Variants in RAD51B observed in about 807,000 individuals in gnomAD.
The protein encoded by RAD51B is RAD51 paralog B.
A neutral mutation model predicts 42.2 loss-of-function variants in RAD51B; 38 were observed. The observed-to-expected ratio is 0.90, with a 90% CI of 0.70 to 1.18. The LOEUF is 1.18. RAD51B is among the 50% of genes most tolerant of loss of function. The pLI, the probability that RAD51B is intolerant of heterozygous loss-of-function variation, is 0.00. For synonymous variants in RAD51B, 154 were observed against 145.2 expected (o/e 1.06, Z -0.43); for missense variants, 373 against 400.7 (o/e 0.93, Z 0.59).
At chr14:68,406,816 A>G (rs1054098925) in intron 8 of RAD51B, among the ~76,000 whole-genome samples, 1 of 152,200 alleles carries the variant, frequency 6.6e-6, no homozygotes, top group Non-Finnish European at 1.5e-5. Flanking sequence ...TCCTTATTCT[A>G]TAATCTTATT....
At chr14:67,846,574 T>G (rs1263906446) in intron 4 of RAD51B, among the ~76,000 whole-genome samples, 5 of 152,122 alleles carry the variant, frequency 3.3e-5, no homozygotes, top group Non-Finnish European at 7.4e-5. Context: ...CAGTGGAGGC[T>G]GCTCTACTGG....
intron 4 of RAD51B, among the ~76,000 whole-genome samples, chr14:67,849,401 C>T (rs1188670815): frequency 6.6e-6 from 1 of 152,188 alleles, no homozygotes; most frequent in Non-Finnish European, 1.5e-5. Flanking sequence ...CCTGCCTCAG[C>T]CTCCCAAGTA....
intron 7 of RAD51B, among the ~76,000 whole-genome samples, chr14:68,100,591 G>A (rs2077272484): frequency 6.6e-6 from 1 of 152,098 alleles, no homozygotes; most frequent in Admixed American, 6.5e-5. Flanking sequence ...TATTTACTGG[G>A]TATGGACCCT....
chr14:68,641,099 G>T (rs1892450843), intron 10 of RAD51B, among the ~76,000 whole-genome samples: 1 of 152,084 alleles, frequency 6.6e-6, no homozygotes. Flanking sequence ...TTGCTATTTG[G>T]GTAATTATTT....
intron 9 of RAD51B, among the ~76,000 whole-genome samples, chr14:68,415,547 A>G (rs1457091238): frequency 6.6e-6 from 1 of 152,228 alleles, no homozygotes; most frequent in African/African-American, 2.4e-5. Flanking sequence ...TAAGCATGTA[A>G]ACCGGACTTG....
chr14:68,251,200 T>TAA (rs576162341), intron 7 of RAD51B, among the ~76,000 whole-genome samples: 3,819 of 146,190 alleles, frequency 0.026, 55 homozygotes, highest in Non-Finnish European at 0.033. Flanking sequence ...AAGGAGGAAT[T>TAA]AAAAAAAAAA....
intron 8 of RAD51B, among the ~76,000 whole-genome samples, chr14:68,376,562 T>C (rs1168376745): frequency 6.6e-6 from 1 of 152,152 alleles, no homozygotes; most frequent in Admixed American, 6.6e-5. Flanking sequence ...GTATAAGATT[T>C]CTTGTAAAAG....
intron 4 of RAD51B, among the ~76,000 whole-genome samples, chr14:67,861,062 G>A (rs1009249242): frequency 6.6e-6 from 1 of 152,032 alleles, no homozygotes; most frequent in Non-Finnish European, 1.5e-5. Flanking sequence ...GTATGGTGAT[G>A]TGTGCCTGTA....
intron 10 of RAD51B, among the ~76,000 whole-genome samples, chr14:68,529,984 G>A (rs559736925): frequency 9.8e-5 from 15 of 152,296 alleles, no homozygotes; most frequent in African/African-American, 3.1e-4. Context: ...TTCTAGACAT[G>A]AAATAGATGA....
At chr14:68,316,566 G>A (rs899547432) in intron 8 of RAD51B, among the ~76,000 whole-genome samples, 1 of 152,184 alleles carries the variant, frequency 6.6e-6, no homozygotes, top group Non-Finnish European at 1.5e-5. Context: ...TTTCTAATTA[G>A]GATGCAAGAA....
intron 8 of RAD51B, among the ~76,000 whole-genome samples, chr14:68,308,980 A>C (rs2081920757): frequency 6.6e-6 from 1 of 152,214 alleles, no homozygotes; most frequent in Non-Finnish European, 1.5e-5. Flanking sequence ...ACAGAGGGAA[A>C]AATCCTCGCT....
At chr14:68,569,829 C>CTCAGGCTGAGGG (rs1555427493) in intron 10 of RAD51B, among the ~76,000 whole-genome samples, 6 of 152,190 alleles carry the variant, frequency 3.9e-5, no homozygotes, top group Admixed American at 2.6e-4. Flanking sequence ...GGGAGCCCCC[C>CTCAGGCTGAGGG]AACCCAGGGG....
At chr14:67,976,221 A>G (rs1229009072) in intron 7 of RAD51B, among the ~76,000 whole-genome samples, 2 of 151,922 alleles carry the variant, frequency 1.3e-5, no homozygotes, top group East Asian at 1.9e-4. Context: ...GGCTCAAGCA[A>G]TCTTCGTGCC....
rs187568754 is a variant in RAD51B, at chr14:68,595,927, C to T, written c.*1324C>T. On this transcript the variant is annotated 3_prime_UTR_variant, in exon 11 of 11. Coordinates refer to the RAD51B transcript ENST00000487270. ...CTCTGGGCAATAAGATTATACTTGA[C>T]TTTTATTTCTTTTTTGGAATTGTCT... 3.0e-3 allele frequency: 1,131 copies of T among 371,556 alleles called. 3 individuals carry two copies. Among genetic ancestry groups the T allele is most frequent in the Non-Finnish European group, 3.9e-3 (1,016 of 262,412 alleles). 23.0% of individuals were successfully genotyped at this position (371,556 alleles called of 1,614,324 possible).
chr14:68,111,328 G>A lies in RAD51B; in HGVS notation c.757-180556G>A, dbSNP rs35889975. ...GAAATTAAATGAAAGACAGCTGTTT[G>A]AGAAAGAGCTGTCAGAAACTGATTG... On this transcript the variant is annotated intron_variant, in intron 7 of 10. Coordinates refer to ENST00000471583, the MANE Select transcript of RAD51B (RefSeq NM_133510.4). Among the ~76,000 whole-genome samples the A allele has an allele frequency of 8.6e-3, 1,302 of 152,200 alleles. 12 individuals are homozygous for A. Among genetic ancestry groups the A allele is most frequent in the Non-Finnish European group, 0.011 (760 of 67,984 alleles).
chr14:68,477,963 A>G lies in RAD51B; in HGVS notation c.*299A>G. ...TGCACTTATATAGCACCTTTCAACCAGGCACCTCAAAGCGGTTTAACCACA... is the reference window on the plus strand; with the variant it reads ...TGCACTTATATAGCACCTTTCAACCGGGCACCTCAAAGCGGTTTAACCACA... On this transcript the variant is annotated 3_prime_UTR_variant, in exon 11 of 11. Coordinates refer to ENST00000471583, the MANE Select transcript of RAD51B (RefSeq NM_133510.4). 1 of 1,178,814 alleles carries G rather than the reference A, an allele frequency of 8.5e-7. No homozygotes were observed. Among genetic ancestry groups the G allele is most frequent in the Non-Finnish European group, 1.0e-6 (1 of 953,802 alleles). 73.0% of individuals were successfully genotyped at this position (1,178,814 alleles called of 1,614,324 possible). A position where few individuals can be genotyped will look rare whatever the true frequency, so the allele number is the denominator to read the frequency against.
intron 7 of RAD51B, among the ~76,000 whole-genome samples, chr14:68,164,623 TCTAAAA>T (rs2078713051): frequency 6.6e-6 from 1 of 152,212 alleles, no homozygotes; most frequent in Non-Finnish European, 1.5e-5. Context: ...CTTTTAGATT[TCTAAAA>T]CTGTTTTTCT....
intron 7 of RAD51B, among the ~76,000 whole-genome samples, chr14:68,008,308 T>G (rs1482788302): frequency 6.6e-6 from 1 of 151,912 alleles, no homozygotes; most frequent in Non-Finnish European, 1.5e-5. Flanking sequence ...GACAAATTGA[T>G]CTTCATATAA....
intron 7 of RAD51B, among the ~76,000 whole-genome samples, chr14:68,265,629 G>T (rs1171050191): frequency 2.6e-5 from 4 of 152,180 alleles, no homozygotes; most frequent in African/African-American, 9.7e-5. Context: ...GCATGTGCCT[G>T]TAATCCCAGC....
Sources: gnomAD v4.1 joint callset for allele counts (sites outside exome capture counted in the v4.1 genomes callset) on GRCh38, gnomAD v4.1.1 for gene constraint, MANE v1.5 for transcripts, NCBI Gene and HGNC (gene_info 2026-07-23, HGNC 2026-07-21) for gene names.